TBL1XR1: variants seen among roughly 807,000 people sequenced by gnomAD.
TBL1XR1 encodes TBL1X/Y related 1.
A neutral mutation model predicts 66.9 loss-of-function variants in TBL1XR1; 5 were observed. That is an observed-to-expected ratio of 0.07 (90% CI 0.04 to 0.16). The LOEUF (loss-of-function observed/expected upper bound fraction) is 0.16. TBL1XR1 is among the 10% of genes least tolerant of loss of function. TBL1XR1 has a pLI of 1.00. For missense variants in TBL1XR1, 238 were observed against 623.2 expected (o/e 0.38, Z 6.58); for synonymous variants, 210 against 206.0 (o/e 1.02, Z -0.17).
At chr3:177,174,465 A>G (rs1180624551) in intron 1 of TBL1XR1, among the ~76,000 whole-genome samples, 1 of 151,230 alleles carries the variant, frequency 6.6e-6, no homozygotes, top group Admixed American at 6.6e-5. Context: ...CTCATTCTCA[A>G]TAGCAACTTC....
chr3:177,162,491 A>G (rs772518199), intron 1 of TBL1XR1, among the ~76,000 whole-genome samples: 1 of 152,236 alleles, frequency 6.6e-6, no homozygotes, highest in Non-Finnish European at 1.5e-5. Flanking sequence ...CAGAAATTAG[A>G]AAACTGATTG....
intron 1 of TBL1XR1, among the ~76,000 whole-genome samples, chr3:177,143,642 T>TA (rs1395184676): frequency 2.6e-5 from 4 of 152,220 alleles, no homozygotes; most frequent in Non-Finnish European, 5.9e-5. Context: ...TTTATCTCAT[T>TA]AAATTATTGT....
At chr3:177,089,079 CA>C (rs1180913317) in intron 2 of TBL1XR1, among the ~76,000 whole-genome samples, 1 of 152,182 alleles carries the variant, frequency 6.6e-6, no homozygotes, top group Non-Finnish European at 1.5e-5. Context: ...TTCAGTCTGG[CA>C]AGTCATAACT....
intron 1 of TBL1XR1, among the ~76,000 whole-genome samples, chr3:177,106,181 A>C (rs1724862106): frequency 6.6e-6 from 1 of 152,240 alleles, no homozygotes; most frequent in African/African-American, 2.4e-5. Context: ...TAAAAAACAC[A>C]TAAAGCCCAA....
At chr3:177,198,435 A>G (rs1372590155), upstream of TBL1XR1, among the ~76,000 whole-genome samples, 2 of 152,244 alleles carry the variant, frequency 1.3e-5, no homozygotes, top group Non-Finnish European at 2.9e-5. Flanking sequence ...GTAGAAGTTT[A>G]TCCACTTTGT....
intron 1 of TBL1XR1, among the ~76,000 whole-genome samples, chr3:177,114,774 G>A (rs1681649): frequency 0.51 from 77,223 of 151,446 alleles, 20,055 homozygotes; most frequent in East Asian, 0.73. Flanking sequence ...CCAGGAGTTC[G>A]AGACAAGTCT....
At chr3:177,098,172 A>G (rs1283187105) in intron 2 of TBL1XR1, among the ~76,000 whole-genome samples, 2 of 152,118 alleles carry the variant, frequency 1.3e-5, no homozygotes, top group African/African-American at 4.8e-5. Context: ...AGATCACGCC[A>G]TTGCACTCCA....
intron 1 of TBL1XR1, among the ~76,000 whole-genome samples, chr3:177,176,119 G>A (rs1054000413): frequency 3.3e-5 from 5 of 151,784 alleles, no homozygotes; most frequent in Non-Finnish European, 7.4e-5. Flanking sequence ...ACTGATATCT[G>A]GGGGAAAATT....
intron 12 of TBL1XR1, chr3:177,037,463 C>T (rs2108432478): frequency 6.6e-6 from 1 of 152,356 alleles, no homozygotes; most frequent in South Asian, 2.1e-4. Flanking sequence ...AGGCATTTAA[C>T]TTAGCTGACT....
intron 1 of TBL1XR1, among the ~76,000 whole-genome samples, chr3:177,171,141 G>C (rs1008407122): frequency 6.6e-6 from 1 of 151,474 alleles, no homozygotes; most frequent in South Asian, 2.1e-4. Context: ...AGGTGTTTAA[G>C]ACACACCTGA....
intron 12 of TBL1XR1, 145 bp from the exon 13 acceptor site, chr3:177,034,470 C>T: frequency 1.9e-6 from 1 of 520,394 alleles, no homozygotes; most frequent in Non-Finnish European, 3.0e-6. Flanking sequence ...TACAAAGAAA[C>T]TGAAATGCAA....
chr3:177,193,497 G>C (rs1180294033), intron 1 of TBL1XR1, among the ~76,000 whole-genome samples: 1 of 152,136 alleles, frequency 6.6e-6, no homozygotes, highest in African/African-American at 2.4e-5. Context: ...TTTTAGTAGA[G>C]ACGGGGATTC....
At chr3:177,102,773 C>T (rs868122961) in intron 1 of TBL1XR1, among the ~76,000 whole-genome samples, 2 of 152,178 alleles carry the variant, frequency 1.3e-5, no homozygotes, top group African/African-American at 4.8e-5. Context: ...GTTCTGCTCA[C>T]AAATCTTCCT....
At chr3:177,046,021 G>A in intron 10 of TBL1XR1, 108 bp downstream of exon 10, 1 of 856,130 alleles carries the variant, frequency 1.2e-6, no homozygotes, top group Non-Finnish European at 1.8e-6. Context: ...CTAGTAACAA[G>A]ACTGATACTT....
intron 1 of TBL1XR1, among the ~76,000 whole-genome samples, chr3:177,182,872 G>A (rs988728611): frequency 1.3e-5 from 2 of 152,122 alleles, no homozygotes; most frequent in African/African-American, 4.8e-5. Flanking sequence ...CTTCTCTAAT[G>A]GGATATAAGA....
intron 2 of TBL1XR1, among the ~76,000 whole-genome samples, chr3:177,084,111 A>G (rs1356283369): frequency 6.6e-6 from 1 of 151,834 alleles, no homozygotes; most frequent in Non-Finnish European, 1.5e-5. Context: ...AAGAAAAAAG[A>G]AAAGAAAAGA....
At chr3:177,193,637 G>A (rs896896928) in intron 1 of TBL1XR1, among the ~76,000 whole-genome samples, 1 of 152,132 alleles carries the variant, frequency 6.6e-6, no homozygotes, top group African/African-American at 2.4e-5. Context: ...TGGTGCTAGG[G>A]AATTCAGCAC....
intron 3 of TBL1XR1, among the ~76,000 whole-genome samples, chr3:177,057,038 G>A (rs941977268): frequency 2.6e-5 from 4 of 152,054 alleles, no homozygotes; most frequent in African/African-American, 7.2e-5. Context: ...AAGGTCAAAC[G>A]CCTAATTATG....
intron 1 of TBL1XR1, among the ~76,000 whole-genome samples, chr3:177,121,162 T>G (rs2108756148): frequency 6.6e-6 from 1 of 152,282 alleles, no homozygotes; most frequent in Non-Finnish European, 1.5e-5. Context: ...CAGTTAAACA[T>G]AATCCAAATC....
Sources: gnomAD v4.1 joint callset for allele counts (sites outside exome capture counted in the v4.1 genomes callset) on GRCh38, gnomAD v4.1.1 for gene constraint, MANE v1.5 for transcripts, NCBI Gene and HGNC (gene_info 2026-07-23, HGNC 2026-07-21) for gene names.